SLC24A2: variants seen among roughly 807,000 people sequenced by gnomAD.
The protein encoded by SLC24A2 is sodium/potassium/calcium exchanger 2.
SLC24A2 carries 36 observed loss-of-function variants against 62.0 expected under a neutral mutation model. The ratio of observed to expected loss-of-function variants is 0.58; its 90% CI spans 0.44 to 0.77. The LOEUF is 0.77. Ranked by LOEUF, SLC24A2 falls within the 30% of genes least tolerant of loss-of-function variation. The pLI, the probability that SLC24A2 is intolerant of heterozygous loss-of-function variation, is 0.00. For synonymous variants in SLC24A2, 358 were observed against 294.0 expected (o/e 1.22, Z -2.23); for missense variants, 846 against 817.9 (o/e 1.03, Z -0.42).
chr9:20,202,660 T>C, the SLC24A2 span, among the ~76,000 whole-genome samples: 1 of 152,130 alleles, frequency 6.6e-6, no homozygotes, highest in African/African-American at 2.4e-5. Context: ...GGGATTTAAA[T>C]GCTCCAGAAA....
the SLC24A2 span, among the ~76,000 whole-genome samples, chr9:19,855,199 GGTCT>G: frequency 6.6e-6 from 1 of 151,984 alleles, no homozygotes; most frequent in Non-Finnish European, 1.5e-5. Context: ...ACATAAGATG[GGTCT>G]CTTGAATACA....
chr9:19,715,709 A>C (rs1001078705), intron 2 of SLC24A2, among the ~76,000 whole-genome samples: 5 of 152,262 alleles, frequency 3.3e-5, no homozygotes, highest in Non-Finnish European at 5.9e-5. Flanking sequence ...GAGGGTACTT[A>C]TAAATGCATT....
At chr9:20,275,038 G>A in the SLC24A2 span, among the ~76,000 whole-genome samples, 1 of 152,168 alleles carries the variant, frequency 6.6e-6, no homozygotes, top group African/African-American at 2.4e-5. Flanking sequence ...CAATATACCT[G>A]AGGCCTGGCC....
chr9:20,162,915 T>G, the SLC24A2 span, among the ~76,000 whole-genome samples: 5 of 152,070 alleles, frequency 3.3e-5, no homozygotes, highest in Non-Finnish European at 5.9e-5. Flanking sequence ...AAAAGGCCTT[T>G]GATAAAATTT....
intron 2 of SLC24A2, among the ~76,000 whole-genome samples, chr9:19,707,515 G>A (rs1820568925): frequency 6.6e-6 from 1 of 152,126 alleles, no homozygotes; most frequent in South Asian, 2.1e-4. Context: ...ATAAAATACT[G>A]GCAAACCAAA....
At chr9:20,125,621 C>T in the SLC24A2 span, among the ~76,000 whole-genome samples, 3 of 152,100 alleles carry the variant, frequency 2.0e-5, no homozygotes, top group African/African-American at 7.2e-5. Context: ...TCCACTGGGC[C>T]CAGGTCAGCA....
At chr9:19,541,044 T>C (rs1284312480) in intron 8 of SLC24A2, among the ~76,000 whole-genome samples, 6 of 99,606 alleles carry the variant, frequency 6.0e-5, no homozygotes, top group African/African-American at 2.6e-4. Flanking sequence ...CGAGCCTTGG[T>C]TTTCAGCTCC....
the SLC24A2 span, among the ~76,000 whole-genome samples, chr9:20,115,838 T>C: frequency 6.6e-6 from 1 of 152,178 alleles, no homozygotes; most frequent in East Asian, 1.9e-4. Context: ...AAATTGGCTA[T>C]TAGATGGTTT....
chr9:20,007,416 T>C, the SLC24A2 span, among the ~76,000 whole-genome samples: 2 of 152,098 alleles, frequency 1.3e-5, no homozygotes, highest in Non-Finnish European at 2.9e-5. Flanking sequence ...GTGGGGTAAT[T>C]TGTGTGACAT....
chr9:20,119,333 T>G, the SLC24A2 span, among the ~76,000 whole-genome samples: 7 of 152,198 alleles, frequency 4.6e-5, no homozygotes, highest in Non-Finnish European at 1.0e-4. Context: ...TCACTACATT[T>G]TTTTGTAATT....
At chr9:20,151,089 A>T in the SLC24A2 span, among the ~76,000 whole-genome samples, 6 of 151,918 alleles carry the variant, frequency 3.9e-5, no homozygotes, top group Non-Finnish European at 8.8e-5. Context: ...TCTGTAGCGA[A>T]GAAACTCCCC....
the SLC24A2 span, among the ~76,000 whole-genome samples, chr9:20,154,842 G>C: frequency 6.6e-6 from 1 of 151,598 alleles, no homozygotes; most frequent in African/African-American, 2.4e-5. Context: ...TGTGTGTCAC[G>C]GCCCTCTGCA....
the SLC24A2 span, among the ~76,000 whole-genome samples, chr9:19,930,674 C>G: frequency 6.6e-6 from 1 of 152,132 alleles, no homozygotes; most frequent in East Asian, 1.9e-4. Context: ...GACATATTTA[C>G]TAAAGGTATT....
chr9:19,848,483 C>T, the SLC24A2 span, among the ~76,000 whole-genome samples: 71 of 152,052 alleles, frequency 4.7e-4, no homozygotes, highest in South Asian at 1.9e-3. Flanking sequence ...TAGCAGTGTA[C>T]GTAACATATT....
chr9:20,303,660 AATT>A, the SLC24A2 span, among the ~76,000 whole-genome samples: 1 of 152,198 alleles, frequency 6.6e-6, no homozygotes, highest in Non-Finnish European at 1.5e-5. Flanking sequence ...TTAGCTGCCC[AATT>A]ATTACCTCCT....
chr9:20,052,523 T>C, the SLC24A2 span, among the ~76,000 whole-genome samples: 3 of 152,168 alleles, frequency 2.0e-5, no homozygotes, highest in East Asian at 5.8e-4. Context: ...TCTGTTCCCG[T>C]TTTTTCCATG....
At chr9:20,183,635 C>A in the SLC24A2 span, among the ~76,000 whole-genome samples, 8 of 152,228 alleles carry the variant, frequency 5.3e-5, 1 homozygote, top group Admixed American at 5.2e-4. Flanking sequence ...AGGATATGCA[C>A]TTGCTCTGGG....
chr9:19,660,123 T>C (rs1194961543), intron 2 of SLC24A2, among the ~76,000 whole-genome samples: 3 of 152,212 alleles, frequency 2.0e-5, no homozygotes, highest in Non-Finnish European at 4.4e-5. Flanking sequence ...CTCTGCCTGT[T>C]GTCCCTTCCG....
the SLC24A2 span, among the ~76,000 whole-genome samples, chr9:20,116,927 A>G: frequency 2.0e-3 from 299 of 152,266 alleles, 2 homozygotes; most frequent in African/African-American, 6.6e-3. Context: ...TTAATAATCA[A>G]ACATAAGATC....
Sources: allele counts gnomAD v4.1 joint callset (sites outside exome capture counted in the v4.1 genomes callset), GRCh38; gene constraint gnomAD v4.1.1; transcripts MANE v1.5; gene names NCBI Gene and HGNC (gene_info 2026-07-23, HGNC 2026-07-21).